CADM1: variants seen among roughly 807,000 people sequenced by gnomAD.
CADM1 encodes TSLC-1.
In CADM1, 15 loss-of-function variants were observed where a neutral mutation model predicts 53.1. The observed-to-expected ratio is 0.28, with a 90% CI of 0.19 to 0.44. The LOEUF (loss-of-function observed/expected upper bound fraction) is 0.44, where lower values mean the gene tolerates loss of function less well. Ranked by LOEUF, CADM1 falls within the 20% of genes least tolerant of loss-of-function variation. The probability of loss-of-function intolerance (pLI) is 1.00; values close to 1 mark genes in which losing one functional copy is unlikely to be tolerated. For synonymous variants in CADM1, 281 were observed against 243.0 expected, an observed-to-expected ratio of 1.16 and a Z score of -1.45; for missense variants, 434 against 611.3, an observed-to-expected ratio of 0.71 and a Z score of 3.06.
intron 10 of CADM1, among the ~76,000 whole-genome samples, chr11:115,189,302 G>A (rs1007231650): frequency 3.9e-5 from 6 of 152,134 alleles, no homozygotes; most frequent in South Asian, 4.2e-4. Context: ...GGAAGGGGTG[G>A]ATGGCTGATT....
At chr11:115,253,565 A>G (rs1942677336) in intron 1 of CADM1, among the ~76,000 whole-genome samples, 1 of 152,226 alleles carries the variant, frequency 6.6e-6, no homozygotes, top group Non-Finnish European at 1.5e-5. Flanking sequence ...ACTAATAGAT[A>G]TTCTTAGGTA....
intron 1 of CADM1, among the ~76,000 whole-genome samples, chr11:115,389,052 A>G (rs370752916): frequency 2.0e-5 from 3 of 152,132 alleles, no homozygotes; most frequent in South Asian, 4.1e-4. Context: ...AGGCAAAAAG[A>G]CATGGTGGAT....
intron 9 of CADM1, among the ~76,000 whole-genome samples, chr11:115,191,326 C>T (rs1430759227): frequency 6.6e-6 from 1 of 152,170 alleles, no homozygotes; most frequent in Non-Finnish European, 1.5e-5. Context: ...TTTTATTTCG[C>T]ATTTTACTGT....
intron 1 of CADM1, among the ~76,000 whole-genome samples, chr11:115,401,669 TGGCAGAA>T (rs1169954718): frequency 1.3e-5 from 2 of 152,180 alleles, no homozygotes; most frequent in African/African-American, 2.4e-5. Context: ...AGGAATGAAC[TGGCAGAA>T]GGCAGATGAT....
At chr11:115,413,894 C>T (rs571381357) in intron 1 of CADM1, among the ~76,000 whole-genome samples, 5 of 152,182 alleles carry the variant, frequency 3.3e-5, no homozygotes, top group South Asian at 4.1e-4. Context: ...CCACCCGCCT[C>T]GGACTCCCAA....
At chr11:115,202,983 T>C (rs1456887176) in intron 8 of CADM1, among the ~76,000 whole-genome samples, 8 of 152,122 alleles carry the variant, frequency 5.3e-5, no homozygotes, top group Admixed American at 5.2e-4. Flanking sequence ...TGTTATGTTT[T>C]AATCAAACTC....
intron 1 of CADM1, among the ~76,000 whole-genome samples, chr11:115,301,821 T>A (rs1307889311): frequency 6.6e-6 from 1 of 152,100 alleles, no homozygotes; most frequent in Non-Finnish European, 1.5e-5. Flanking sequence ...CATAACATTA[T>A]AAGAATTAAA....
Position 115,291,135 on chromosome 11 carries a change from G to A in CADM1, c.125-50715C>T, listed in dbSNP as rs79884075. On this transcript the variant is annotated intron_variant, in intron 1 of 11. Coordinates refer to ENST00000331581, the MANE Select transcript of CADM1 (RefSeq NM_001301043.2). ...GGAGTGGCGCAGGAAATCCAGAGGC[G>A]AGAGCAACGAGGAGTGCCCACTGTC... Among the ~76,000 whole-genome samples the A allele has an allele frequency of 8.8e-3, 1,345 of 152,220 alleles. 11 individuals are homozygous for A. Among genetic ancestry groups the A allele is most frequent in the African/African-American group, 0.03 (1,246 of 41,540 alleles).
intron 1 of CADM1, among the ~76,000 whole-genome samples, chr11:115,359,627 C>T (rs901728996): frequency 2.6e-5 from 4 of 152,082 alleles, no homozygotes; most frequent in Non-Finnish European, 5.9e-5. Flanking sequence ...AGCTAGTGTG[C>T]CAACAAATAT....
At chr11:115,288,788 T>C (rs761473197) in intron 1 of CADM1, among the ~76,000 whole-genome samples, 2 of 152,162 alleles carry the variant, frequency 1.3e-5, no homozygotes, top group Non-Finnish European at 2.9e-5. Flanking sequence ...TCTCAATGCC[T>C]AAAAAAAGTT....
intron 1 of CADM1, among the ~76,000 whole-genome samples, chr11:115,486,682 A>G (rs1190581188): frequency 6.6e-6 from 1 of 152,106 alleles, no homozygotes; most frequent in African/African-American, 2.4e-5. Context: ...AAGTTTTTCC[A>G]CAGTCTGGCC....
At chr11:115,246,497 C>A (rs1032434735) in intron 1 of CADM1, among the ~76,000 whole-genome samples, 2 of 152,172 alleles carry the variant, frequency 1.3e-5, no homozygotes, top group Non-Finnish European at 2.9e-5. Flanking sequence ...CCTATGGAAT[C>A]CAGAATCAAT....
At chr11:115,223,973 A>AAAGAGAG (rs59495248) in intron 5 of CADM1, among the ~76,000 whole-genome samples, 1,219 of 92,476 alleles carry the variant, frequency 0.013, 18 homozygotes, top group Non-Finnish European at 0.014. Flanking sequence ...AAAAAAAAAA[A>AAAGAGAG]AGAGAGAGAG....
intron 11 of CADM1, 67 bp downstream of exon 11, chr11:115,178,577 C>T: frequency 1.3e-6 from 2 of 1,552,616 alleles, no homozygotes; most frequent in Non-Finnish European, 1.8e-6. Flanking sequence ...CAAGGACAAC[C>T]TTGTAAAGTC....
At chr11:115,410,366 C>T (rs1256829366) in intron 1 of CADM1, among the ~76,000 whole-genome samples, 5 of 152,198 alleles carry the variant, frequency 3.3e-5, no homozygotes, top group East Asian at 3.8e-4. Context: ...ATTTCAATAA[C>T]GTAACTTACT....
intron 1 of CADM1, among the ~76,000 whole-genome samples, chr11:115,389,511 G>T (rs1354893934): frequency 6.6e-6 from 1 of 152,120 alleles, no homozygotes; most frequent in African/African-American, 2.4e-5. Flanking sequence ...TGAGGAGAAT[G>T]GTTAAATTAT....
At chr11:115,503,023 G>A (rs1468195555) in intron 1 of CADM1, among the ~76,000 whole-genome samples, 1 of 152,134 alleles carries the variant, frequency 6.6e-6, no homozygotes, top group East Asian at 1.9e-4. Context: ...GAGCCCTGCT[G>A]CATCCCCTCC....
At chr11:115,356,000 T>C (rs902794832) in intron 1 of CADM1, among the ~76,000 whole-genome samples, 4 of 152,008 alleles carry the variant, frequency 2.6e-5, no homozygotes, top group Non-Finnish European at 5.9e-5. Context: ...GCCCAGCTAA[T>C]TTTTGTATTT....
At chr11:115,440,816 T>C (rs1175615403) in intron 1 of CADM1, among the ~76,000 whole-genome samples, 1 of 151,970 alleles carries the variant, frequency 6.6e-6, no homozygotes, top group Non-Finnish European at 1.5e-5. Context: ...TCTCACTCCA[T>C]TGCCCACGCT....
Sources: gnomAD v4.1 joint callset for allele counts (sites outside exome capture counted in the v4.1 genomes callset) on GRCh38, gnomAD v4.1.1 for gene constraint, MANE v1.5 for transcripts, NCBI Gene and HGNC (gene_info 2026-07-23, HGNC 2026-07-21) for gene names.